The following SNX4 variants were observed in gnomAD, a reference collection of about 807,000 sequenced individuals.
SNX4 encodes sorting nexin 4, also known as sorting nexin-4.
In SNX4, 49 loss-of-function variants were observed where a neutral mutation model predicts 70.8. That is an observed-to-expected ratio of 0.69 (90% CI 0.55 to 0.88). The LOEUF (loss-of-function observed/expected upper bound fraction) is 0.88. Among genes scored for constraint, SNX4 ranks in the 40% least tolerant of loss-of-function variants. The probability of loss-of-function intolerance (pLI) is 0.00; values close to 1 mark genes in which losing one functional copy is unlikely to be tolerated. For synonymous variants in SNX4, 206 were observed against 183.8 expected, an observed-to-expected ratio of 1.12 and a Z score of -0.98; for missense variants, 528 against 544.8, an observed-to-expected ratio of 0.97 and a Z score of 0.31.
At chr3:125,471,344 CAAAAAAAAAAAAA>C (rs767432586) in intron 8 of SNX4, among the ~76,000 whole-genome samples, 1,337 of 28,194 alleles carry the variant, frequency 0.047, 28 homozygotes, top group Non-Finnish European at 0.059. Flanking sequence ...AGCTCCATCT[CAAAAAAAAAAAAA>C]AAAAAAAAAA....
intron 6 of SNX4, among the ~76,000 whole-genome samples, chr3:125,483,124 A>G (rs1349468089): frequency 6.7e-6 from 1 of 149,916 alleles, no homozygotes; most frequent in Non-Finnish European, 1.5e-5. Flanking sequence ...CAAAACATTT[A>G]AATAAAATTA....
chr3:125,471,000 T>C (rs1006436613), intron 8 of SNX4, among the ~76,000 whole-genome samples: 10 of 152,162 alleles, frequency 6.6e-5, no homozygotes, highest in Admixed American at 6.6e-4. Flanking sequence ...CAGAGTCCTG[T>C]ATCTACCAGT....
In SNX4 at chr3:125,497,283, A is replaced by G. The variant is rs950757420; in HGVS notation, c.597+58T>C. 4.0e-5 allele frequency: 43 copies of G among 1,063,266 alleles called. No homozygotes were observed. In the Admixed American group the frequency reaches 8.3e-4, roughly 20 times the overall value. The allele number at this position is 1,063,266 out of a possible 1,614,324, so 65.9% of individuals were successfully genotyped here. A position where few individuals can be genotyped will look rare whatever the true frequency, so the allele number is the denominator to read the frequency against. On this transcript the variant is annotated intron_variant, in intron 5 of 13. Coordinates refer to ENST00000251775, the MANE Select transcript of SNX4 (RefSeq NM_003794.4). ...TAAATACCAAGTTCCCAATGAGTGC[A>G]TGGCACCATGCTGGGAACTGTAAAG...
At chr3:125,479,462 G>C (rs1934355670) in intron 7 of SNX4, among the ~76,000 whole-genome samples, 1 of 152,100 alleles carries the variant, frequency 6.6e-6, no homozygotes, top group Non-Finnish European at 1.5e-5. Context: ...GGCTGAGGCA[G>C]GAGAACTGCT....
chr3:125,454,058 T>G, intron 11 of SNX4, 103 bp from the exon 12 acceptor site: 1 of 918,126 alleles, frequency 1.1e-6, no homozygotes, highest in Non-Finnish European at 1.6e-6. Flanking sequence ...AAATCTGATA[T>G]ATGCTACAAC....
intron 5 of SNX4, among the ~76,000 whole-genome samples, chr3:125,495,179 T>G (rs947125522): frequency 1.3e-5 from 2 of 148,646 alleles, no homozygotes; most frequent in African/African-American, 4.9e-5. Context: ...CTTTCAACTG[T>G]GATCAGATTA....
chr3:125,462,859 A>G (rs1933918672), intron 9 of SNX4, among the ~76,000 whole-genome samples: 2 of 152,184 alleles, frequency 1.3e-5, no homozygotes, highest in Non-Finnish European at 2.9e-5. Context: ...TTCAAGGGTG[A>G]GCCGGTGGTG....
intron 9 of SNX4, among the ~76,000 whole-genome samples, chr3:125,468,001 A>C (rs1443901231): frequency 6.6e-6 from 1 of 152,178 alleles, no homozygotes; most frequent in African/African-American, 2.4e-5. Flanking sequence ...AAATGCCATG[A>C]ACGGTGGACT....
intron 11 of SNX4, 60 bp from the exon 12 acceptor site, chr3:125,454,015 C>A: frequency 1.4e-6 from 2 of 1,392,760 alleles, no homozygotes; most frequent in South Asian, 2.5e-5. Context: ...CATACACATA[C>A]AATGGAACAT....
At chr3:125,515,069 T>C (rs1053573796) in intron 1 of SNX4, among the ~76,000 whole-genome samples, 1 of 152,214 alleles carries the variant, frequency 6.6e-6, no homozygotes, top group African/African-American at 2.4e-5. Context: ...TTAAAGTATG[T>C]GTACGCTGAT....
intron 6 of SNX4, 105 bp downstream of exon 6, chr3:125,489,303 A>G (rs566346478): frequency 2.4e-6 from 2 of 844,882 alleles, no homozygotes; most frequent in South Asian, 1.6e-5. Context: ...GTGAATATGT[A>G]AACTATTTAG....
intron 1 of SNX4, among the ~76,000 whole-genome samples, chr3:125,506,507 A>ATT (rs554917775): frequency 0.44 from 59,668 of 134,456 alleles, 13,452 homozygotes; most frequent in Admixed American, 0.5. Context: ...TACCAGGCTA[A>ATT]TTTTTTTTTT....
intron 2 of SNX4, among the ~76,000 whole-genome samples, chr3:125,504,188 C>A (rs1434899629): frequency 2.6e-5 from 4 of 152,118 alleles, no homozygotes; most frequent in African/African-American, 9.7e-5. Flanking sequence ...AAAAAATTAG[C>A]TGGGTGTGGT....
rs2107560148 is a variant in SNX4 at position 125,497,916 on chromosome 3, A to G, written c.467T>C (p.Ile156Thr). The G allele has an allele frequency of 6.2e-7, 1 of 1,614,210 alleles. No individual in the cohort carries two copies. The highest frequency in any genetic ancestry group is 1.1e-5 in the South Asian group (1 of 91,084). The change falls in exon 4 of 14, where the codon ATT becomes ACT. Residue 156 changes from isoleucine to threonine, a missense_variant. Coordinates refer to ENST00000251775, the MANE Select transcript of SNX4 (RefSeq NM_003794.4). Reference sequence around the variant, plus strand: ...CCTCAAGAGAAAGTTTTCTAAACCAATCCGTCGCCTCTCCACAAAATCTGG... The same window carrying G: ...CCTCAAGAGAAAGTTTTCTAAACCAGTCCGTCGCCTCTCCACAAAATCTGG... Reference protein sequence around the residue: ...MDPDFVERRRIGLENFLLRIA... With the variant: ...MDPDFVERRRTGLENFLLRIA...
intron 1 of SNX4, among the ~76,000 whole-genome samples, chr3:125,508,339 G>A (rs542875090): frequency 5.7e-4 from 87 of 152,190 alleles, no homozygotes; most frequent in African/African-American, 1.4e-3. Context: ...AGGCTGGGGC[G>A]GGCGGATCAC....
chr3:125,470,996 C>A (rs75678918), intron 8 of SNX4, among the ~76,000 whole-genome samples: 3,181 of 152,198 alleles, frequency 0.021, 110 homozygotes, highest in African/African-American at 0.072. Context: ...CCAACAGAGT[C>A]CTGTATCTAC....
chr3:125,504,767 A>C (rs1299326593), intron 1 of SNX4, 23 bp from the exon 2 acceptor site: 1 of 1,607,952 alleles, frequency 6.2e-7, no homozygotes, highest in Admixed American at 1.7e-5. Flanking sequence ...AAATAAAACA[A>C]CAACAACAAC....
At chr3:125,513,035 G>A (rs935074398) in intron 1 of SNX4, among the ~76,000 whole-genome samples, 1 of 152,190 alleles carries the variant, frequency 6.6e-6, no homozygotes, top group Non-Finnish European at 1.5e-5. Flanking sequence ...GGAAAACAGA[G>A]ATAATAGTAC....
At chr3:125,451,871 C>T (rs1280340735) in intron 12 of SNX4, among the ~76,000 whole-genome samples, 1 of 152,078 alleles carries the variant, frequency 6.6e-6, no homozygotes, top group Admixed American at 6.6e-5. Flanking sequence ...AGGTGATCTG[C>T]CCACCTCAGC....
Sources: allele counts gnomAD v4.1 joint callset (sites outside exome capture counted in the v4.1 genomes callset), GRCh38; gene constraint gnomAD v4.1.1; transcripts MANE v1.5; gene names NCBI Gene and HGNC (gene_info 2026-07-23, HGNC 2026-07-21).